The following SIPA1L3 variants were observed in gnomAD, a reference collection of about 807,000 sequenced individuals.
SIPA1L3 encodes the protein signal induced proliferation associated 1 like 3, also known as signal-induced proliferation-associated 1-like protein 3.
In SIPA1L3, 59 loss-of-function variants were observed where a neutral mutation model predicts 150.1. The ratio of observed to expected loss-of-function variants is 0.39; its 90% CI spans 0.32 to 0.49. SIPA1L3 has a LOEUF of 0.49. Ranked by LOEUF, SIPA1L3 falls within the 20% of genes least tolerant of loss-of-function variation. The pLI is 0.86. For synonymous variants in SIPA1L3, 1,070 were observed against 1,077.6 expected (o/e 0.99, Z 0.14); for missense variants, 2,211 against 2,489.5 (o/e 0.89, Z 2.38).
chr19:38,052,611 C>A (rs1439813402), intron 2 of SIPA1L3, among the ~76,000 whole-genome samples: 1 of 152,242 alleles, frequency 6.6e-6, no homozygotes, highest in Non-Finnish European at 1.5e-5. Context: ...AGAGGGAACT[C>A]GATCCCCATT....
At chr19:37,951,316 C>T (rs2046761834) in intron 1 of SIPA1L3, among the ~76,000 whole-genome samples, 1 of 152,196 alleles carries the variant, frequency 6.6e-6, no homozygotes, top group Non-Finnish European at 1.5e-5. Context: ...GTTGGCTGAA[C>T]AAACATGAAA....
chr19:38,114,194 G>C (rs568849856), intron 8 of SIPA1L3, among the ~76,000 whole-genome samples: 1 of 152,108 alleles, frequency 6.6e-6, no homozygotes, highest in South Asian at 2.1e-4. Flanking sequence ...GCCAAGGTAG[G>C]TGGATCACCT....
intron 6 of SIPA1L3, among the ~76,000 whole-genome samples, chr19:38,103,124 A>G (rs58649409): frequency 0.021 from 2,689 of 131,128 alleles, 88 homozygotes; most frequent in African/African-American, 0.086. Context: ...CTCCGTCTCA[A>G]TCAATCAGTA....
chr19:37,965,418 C>T (rs1035699858), intron 1 of SIPA1L3, among the ~76,000 whole-genome samples: 5 of 150,850 alleles, frequency 3.3e-5, no homozygotes, highest in Admixed American at 1.3e-4. Context: ...CTGCTTCAAG[C>T]GATTCTCCTG....
chr19:38,133,211 G>A (rs1971354043), intron 10 of SIPA1L3, among the ~76,000 whole-genome samples: 1 of 152,228 alleles, frequency 6.6e-6, no homozygotes, highest in African/African-American at 2.4e-5. Context: ...GGCAAGCAGA[G>A]GCTTCAGACA....
chr19:38,146,688 C>T (rs1010199486), intron 12 of SIPA1L3, among the ~76,000 whole-genome samples: 3 of 152,316 alleles, frequency 2.0e-5, no homozygotes, highest in African/African-American at 7.2e-5. Flanking sequence ...ACCAGCAGAG[C>T]GTGAGTGATC....
intron 18 of SIPA1L3, 39 bp downstream of exon 18, chr19:38,193,819 C>G (rs1474945308): frequency 6.6e-7 from 1 of 1,506,712 alleles, no homozygotes; most frequent in South Asian, 1.3e-5. Context: ...GGTAGTTACC[C>G]CAAGGTTGGG....
chr19:37,920,976 C>T (rs1314007368), intron 1 of SIPA1L3, among the ~76,000 whole-genome samples: 1 of 152,214 alleles, frequency 6.6e-6, no homozygotes, highest in Non-Finnish European at 1.5e-5. Context: ...AAGCCTCAGA[C>T]CCTCCCCTCA....
intron 1 of SIPA1L3, among the ~76,000 whole-genome samples, chr19:37,978,197 C>T (rs913816966): frequency 1.3e-5 from 2 of 152,120 alleles, no homozygotes; most frequent in Admixed American, 6.5e-5. Flanking sequence ...CTCCAGGATG[C>T]ATCTCTGTGG....
rs1045044767 is a variant in SIPA1L3, at chr19:37,907,373, G to A, written c.-379+15G>A. Reference sequence around the variant, plus strand: ...GGGGCGTCCAGGTACGTGGCTCCGGGTGCAGGATCGGCCTCGCGCAAGGGT... The same window carrying A: ...GGGGCGTCCAGGTACGTGGCTCCGGATGCAGGATCGGCCTCGCGCAAGGGT... On this transcript the variant is annotated intron_variant, in intron 1 of 21. Transcript: ENST00000222345. 1.3e-5 allele frequency: 2 copies of A among 152,344 alleles called. No individual in the cohort carries two copies. The highest frequency in any genetic ancestry group is 2.9e-5 in the Non-Finnish European group (2 of 68,118). The allele number at this position is 152,344 out of a possible 1,614,324, so 9.4% of individuals were successfully genotyped here.
At chr19:38,152,355 C>T (rs1161565829) in intron 12 of SIPA1L3, among the ~76,000 whole-genome samples, 1 of 152,230 alleles carries the variant, frequency 6.6e-6, no homozygotes, top group Non-Finnish European at 1.5e-5. Flanking sequence ...CTGCATCTGT[C>T]TAGGCAAGAG....
intron 8 of SIPA1L3, 111 bp from the exon 9 acceptor site, chr19:38,119,195 G>A (rs1290239278): frequency 1.5e-5 from 16 of 1,083,276 alleles, no homozygotes; most frequent in East Asian, 5.0e-5. Flanking sequence ...GACCTGTCTC[G>A]ATAAAACAAA....
chr19:38,084,548 T>TAAAA (rs60242010), intron 3 of SIPA1L3, among the ~76,000 whole-genome samples: 185 of 93,514 alleles, frequency 2.0e-3, no homozygotes, highest in African/African-American at 4.7e-3. Context: ...GGGCTTTTCT[T>TAAAA]AAAAAAAAAA....
At chr19:37,973,763 C>G (rs1464702886) in intron 1 of SIPA1L3, among the ~76,000 whole-genome samples, 1 of 152,020 alleles carries the variant, frequency 6.6e-6, no homozygotes, top group Non-Finnish European at 1.5e-5. Flanking sequence ...TAAGGGGATC[C>G]TAGTTGAAGT....
Position 38,046,052 on chromosome 19 carries a change from G to A in SIPA1L3, c.-311+16896G>A, listed in dbSNP as rs1969050074. On this transcript the variant is annotated intron_variant, in intron 2 of 21. Transcript: ENST00000222345. This position sits in a 1 kb window ranked among gnomAD's most constrained non-coding sequence, Gnocchi z 5.6. ...ACAGTTTGTACCGCTCCAGGGTCAC[G>A]TCAGAGACTCCAGAGCCGCCTCCAC... Among the ~76,000 whole-genome samples the A allele has an allele frequency of 2.0e-5, 3 of 152,152 alleles. No individual in the cohort carries two copies. Among genetic ancestry groups the A allele is most frequent in the South Asian group, 2.1e-4 (1 of 4,832 alleles).
At chr19:38,067,942 C>T (rs371473890) in intron 2 of SIPA1L3, among the ~76,000 whole-genome samples, 9 of 152,150 alleles carry the variant, frequency 5.9e-5, no homozygotes, top group African/African-American at 2.2e-4. Context: ...ATCTTATTTC[C>T]TGAGGGAGCT....
At chr19:38,201,093 G>C (rs1973078587) in intron 19 of SIPA1L3, among the ~76,000 whole-genome samples, 1 of 152,214 alleles carries the variant, frequency 6.6e-6, no homozygotes. Flanking sequence ...CCCTGCCCCT[G>C]ATGGTGCCGC....
At chr19:38,185,974 C>G (rs938288043) in intron 16 of SIPA1L3, 1 of 152,508 alleles carries the variant, frequency 6.6e-6, no homozygotes, top group African/African-American at 2.4e-5. Context: ...TCTGAACCCC[C>G]ACACCAGGCT....
chr19:38,189,445 A>G (rs907918463), intron 16 of SIPA1L3, among the ~76,000 whole-genome samples: 2 of 151,798 alleles, frequency 1.3e-5, no homozygotes, highest in African/African-American at 2.4e-5. Context: ...TTTCTTGGCA[A>G]TAGTTCCGTA....
Sources: allele counts gnomAD v4.1 joint callset (sites outside exome capture counted in the v4.1 genomes callset), GRCh38; gene constraint gnomAD v4.1.1; non-coding constraint Gnocchi (gnomAD v3.1); transcripts MANE v1.5; gene names NCBI Gene and HGNC (gene_info 2026-07-23, HGNC 2026-07-21).